Variants in DNAJC13 observed in about 807,000 individuals in gnomAD.
The protein encoded by DNAJC13 is dnaJ homolog subfamily C member 13.
DNAJC13 carries 75 observed loss-of-function variants against 290.5 expected under a neutral mutation model. The ratio of observed to expected loss-of-function variants is 0.26; its 90% confidence interval spans 0.21 to 0.31. DNAJC13 has a LOEUF of 0.31. Ranked by LOEUF, DNAJC13 falls within the 10% of genes least tolerant of loss-of-function variation. The pLI is 1.00. For synonymous variants in DNAJC13, 862 were observed against 892.0 expected (o/e 0.97, Z 0.60); for missense variants, 2,260 against 2,674.5 (o/e 0.85, Z 3.42).
intron 21 of DNAJC13, among the ~76,000 whole-genome samples, chr3:132,473,875 C>T (rs1463276819): frequency 6.6e-6 from 1 of 152,148 alleles, no homozygotes; most frequent in Non-Finnish European, 1.5e-5. Context: ...ATAGTATATC[C>T]TTAAGTATAT....
At chr3:132,428,461 T>C (rs562357869) in intron 1 of DNAJC13, among the ~76,000 whole-genome samples, 302 of 152,286 alleles carry the variant, frequency 2.0e-3, no homozygotes, top group Middle Eastern at 3.4e-3. Context: ...GGTTATCTTA[T>C]CTTTTTTTCA....
intron 13 of DNAJC13, 131 bp from the exon 14 acceptor site, chr3:132,460,119 C>A: frequency 2.0e-6 from 1 of 507,524 alleles, no homozygotes; most frequent in Non-Finnish European, 3.4e-6. Context: ...TCCTTTTTGC[C>A]TTACACTTTA....
Position 132,479,309 on chromosome 3 carries a change from A to G in DNAJC13, c.2772+20A>G, listed in dbSNP as rs1316083757. On this transcript the variant is annotated intron_variant, in intron 25 of 55. Transcript: ENST00000260818. ...AATAAGGTACAGTAGTTTCGCATAC[A>G]TACATTGTTATTTCCAAGTCATATA... 2.0e-6 allele frequency: 3 copies of G among 1,495,430 alleles called. No homozygotes were observed. The allele number at this position is 1,495,430 out of a possible 1,614,324, so 92.6% of individuals were successfully genotyped here.
chr3:132,507,203 C>A, intron 42 of DNAJC13, 34 bp from the exon 43 acceptor site: 1 of 1,294,620 alleles, frequency 7.7e-7, no homozygotes, highest in Non-Finnish European at 1.1e-6. Context: ...GATAGATTTA[C>A]ATCTAACAGT....
At chr3:132,506,870 C>G (rs1162377002) in intron 42 of DNAJC13, among the ~76,000 whole-genome samples, 1 of 151,984 alleles carries the variant, frequency 6.6e-6, no homozygotes, top group Non-Finnish European at 1.5e-5. Flanking sequence ...CTTTTTAAAA[C>G]CCAGTCCAAA....
chr3:132,477,525 C>A (rs1487869288), intron 22 of DNAJC13, among the ~76,000 whole-genome samples: 5 of 152,146 alleles, frequency 3.3e-5, no homozygotes, highest in African/African-American at 1.2e-4. Flanking sequence ...TACGGCAAAC[C>A]CAGTAGGGAA....
Position 132,502,312 on chromosome 3 carries a change from T to C in DNAJC13, c.4560T>C (p.Leu1520=). The C allele has an allele frequency of 6.2e-7, 1 of 1,613,374 alleles. No individual in the cohort carries two copies. The highest frequency in any genetic ancestry group is 8.5e-7 in the Non-Finnish European group (1 of 1,179,722). ...AGAGTATTCCCCGCGTAGCTGCTCT[T>C]GGGGTAGAATGTGTCAGTTCTTTTG... ...FGKSIPRVAA[L]GVECVSSFAV... is the part of the protein sequence containing the mutation. The change falls in exon 40 of 56, where the codon CTT becomes CTC. Residue 1520 remains leucine (L), a synonymous_variant. Coordinates refer to ENST00000260818, the MANE Select transcript of DNAJC13 (RefSeq NM_015268.4).
chr3:132,502,299 G>C lies in DNAJC13; in HGVS notation c.4547G>C (p.Arg1516Pro). 1.2e-6 allele frequency: 2 copies of C among 1,608,876 alleles called. No homozygotes were observed. The highest frequency in any genetic ancestry group is 1.7e-6 in the Non-Finnish European group (2 of 1,178,482). ...TTTTTATTCTCTCAGAGTATTCCCC[G>C]CGTAGCTGCTCTTGGGGTAGAATGT... ...RVLYFGKSIP[R>P]VAALGVECVS... The change falls in exon 40 of 56, where the codon CGC becomes CCC. Residue 1516 changes from arginine to proline, a missense_variant. By Grantham distance (103) the Arg-to-Pro change is moderately radical. Coordinates refer to ENST00000260818, the MANE Select transcript of DNAJC13 (RefSeq NM_015268.4).
At chr3:132,525,443 A>G (rs1176732231) in intron 51 of DNAJC13, among the ~76,000 whole-genome samples, 167 bp from the exon 52 acceptor site, 1 of 152,244 alleles carries the variant, frequency 6.6e-6, no homozygotes, top group African/African-American at 2.4e-5. Context: ...GCCTTTTATG[A>G]AAGAAAATGG....
chr3:132,467,098 A>C lies in DNAJC13; in HGVS notation c.2065-72A>C, dbSNP rs113425320. On this transcript the variant is annotated intron_variant, in intron 19 of 55. Transcript: ENST00000260818. The stretch of plus-strand genomic sequence containing the variant: ...TTAACCTTATAAAATAGATAGAATG[A>C]CTCAGCTTTACATAGAGTTTTAAAA... The C allele has an allele frequency of 2.9e-3, 4,262 of 1,486,478 alleles. 11 individuals are homozygous for C. Among genetic ancestry groups the C allele is most frequent in the Non-Finnish European group, 3.1e-3 (3,404 of 1,109,908 alleles). 92.1% of individuals were successfully genotyped at this position (1,486,478 alleles called of 1,614,324 possible).
At chr3:132,449,373 A>G (rs1182548606) in intron 5 of DNAJC13, among the ~76,000 whole-genome samples, 2 of 152,112 alleles carry the variant, frequency 1.3e-5, no homozygotes, top group Admixed American at 6.6e-5. Flanking sequence ...AGAATATCCT[A>G]TATAGTGGTC....
intron 12 of DNAJC13, 22 bp from the exon 13 acceptor site, chr3:132,457,247 T>C (rs1933636784): frequency 6.4e-7 from 1 of 1,568,388 alleles, no homozygotes; most frequent in African/African-American, 1.4e-5. Context: ...TGCTAGTATA[T>C]GCTTGTTTTT....
Position 132,516,430 on chromosome 3 carries a change from C to G in DNAJC13, c.5494C>G (p.Leu1832Val). 6.2e-7 allele frequency: 1 copy of G among 1,613,724 alleles called. No individual in the cohort carries two copies. Residue 1832 changes from leucine to valine, a missense_variant, in exon 47 of 56, where the codon CTT becomes GTT. Physicochemically the swap from Leu to Val is conservative, Grantham distance 32 (BLOSUM62 1). Around this residue, in one of 3 missense-constraint regions of DNAJC13, gnomAD observed 1,494 missense variants for 1,693.7 expected, o/e 0.88. Transcript: ENST00000260818. ...LLHSLPSSRQ[L>V]VLETLYALTS... ...TGTCTTTTACTCTGCAGGTCGTCAG[C>G]TTGTTCTGGAAACTCTTTATGCTTT... is the stretch of plus-strand genomic sequence containing the variant.
chr3:132,456,162 A>G (rs960371373), intron 9 of DNAJC13, 73 bp from the exon 10 acceptor site: 27 of 1,414,152 alleles, frequency 1.9e-5, no homozygotes, highest in African/African-American at 7.1e-5. Context: ...TAAAGGGCCT[A>G]TGCTTCATGC....
chr3:132,499,116 G>A lies in DNAJC13; in HGVS notation c.4157-10G>A. The A allele has an allele frequency of 5.7e-6, 9 of 1,565,750 alleles. No homozygotes were observed. The highest frequency in any genetic ancestry group is 7.8e-6 in the Non-Finnish European group (9 of 1,150,626). On this transcript the variant is annotated splice_polypyrimidine_tract_variant and intron_variant, in intron 36 of 55. Coordinates refer to ENST00000260818, the MANE Select transcript of DNAJC13 (RefSeq NM_015268.4). ...TTTGTTTTTCTAACACTAACCATTGGTTATTTCAGATTTACAGCCTTATAA... is the reference window on the plus strand; with the variant it reads ...TTTGTTTTTCTAACACTAACCATTGATTATTTCAGATTTACAGCCTTATAA...
chr3:132,487,469 G>A (rs930404666), intron 29 of DNAJC13, among the ~76,000 whole-genome samples: 9 of 151,100 alleles, frequency 6.0e-5, no homozygotes, highest in African/African-American at 2.2e-4. Context: ...TGTTGGCCAG[G>A]CTGGTCTTGA....
intron 55 of DNAJC13, among the ~76,000 whole-genome samples, chr3:132,536,985 A>G (rs1050040562): frequency 3.9e-5 from 6 of 152,204 alleles, no homozygotes; most frequent in African/African-American, 1.4e-4. Context: ...ATGTATCTAT[A>G]CAAGCCATTT....
chr3:132,466,278 A>G (rs749959768), intron 18 of DNAJC13, 21 bp from the exon 19 acceptor site: 4 of 1,569,818 alleles, frequency 2.5e-6, no homozygotes, highest in Non-Finnish European at 3.4e-6. Context: ...ATTGTTTTGA[A>G]AATGGATTTT....
intron 1 of DNAJC13, among the ~76,000 whole-genome samples, chr3:132,427,359 A>G (rs1939126878): frequency 6.6e-6 from 1 of 150,916 alleles, no homozygotes; most frequent in Non-Finnish European, 1.5e-5. Context: ...CTGGTCTTGA[A>G]CTCCTGGACT....
Sources: allele counts gnomAD v4.1 joint callset (sites outside exome capture counted in the v4.1 genomes callset), GRCh38; gene constraint gnomAD v4.1.1; regional missense constraint gnomAD v4.1.1; transcripts MANE v1.5; gene names NCBI Gene and HGNC (gene_info 2026-07-23, HGNC 2026-07-21).